UNC5B: variants seen among roughly 807,000 people sequenced by gnomAD.
The protein encoded by UNC5B is unc-5 netrin receptor B.
Under a neutral mutation model 103.7 loss-of-function variants are expected in UNC5B, and 56 were observed. The ratio of observed to expected loss-of-function variants is 0.54; its 90% CI spans 0.44 to 0.67. The LOEUF is 0.67. Ranked by LOEUF, UNC5B falls within the 30% of genes least tolerant of loss-of-function variation. The pLI, the probability that UNC5B is intolerant of heterozygous loss-of-function variation, is 0.00. For synonymous variants in UNC5B, 577 were observed against 542.0 expected, an observed-to-expected ratio of 1.06 and a Z score of -0.90; for missense variants, 1,194 against 1,284.5, an observed-to-expected ratio of 0.93 and a Z score of 1.08.
At position 71,290,936 on chromosome 10, in the gene UNC5B, C is replaced by T. The variant is rs766271403; in HGVS notation, c.1121C>T (p.Ala374Val). The T allele has an allele frequency of 6.3e-5, 102 of 1,612,738 alleles. No individual in the cohort carries two copies. In the Middle Eastern group the frequency reaches 6.6e-4, roughly 10 times the overall value. ...NSHLLEASGDAALYAGLVVAI... is the reference protein window; with the variant it reads ...NSHLLEASGDVALYAGLVVAI... The stretch of plus-strand genomic sequence containing the variant: ...GCAGTGCTGGAGGCCTCAGGGGATG[C>T]GGCGCTGTATGCGGGGCTCGTGGTG... Residue 374 changes from alanine to valine, a missense_variant, in exon 9 of 17, where the codon GCG becomes GTG. Transcript: ENST00000335350.
chr10:71,297,837 C>A, intron 15 of UNC5B, 72 bp from the exon 16 acceptor site: 1 of 1,502,260 alleles, frequency 6.7e-7, no homozygotes, highest in Admixed American at 1.9e-5. Context: ...AGCTCACAGT[C>A]CAAGGGGAGG....
At chr10:71,231,539 G>A (rs758277703) in intron 1 of UNC5B, among the ~76,000 whole-genome samples, 7 of 152,200 alleles carry the variant, frequency 4.6e-5, no homozygotes, top group African/African-American at 7.2e-5. Context: ...GGCTGTGTAC[G>A]CTCAGCAATG....
At chr10:71,292,364 C>T (rs1229714941) in intron 10 of UNC5B, 103 bp from the exon 11 acceptor site, 1 of 1,005,942 alleles carries the variant, frequency 9.9e-7, no homozygotes. Flanking sequence ...CTACCTGGAG[C>T]TCAGGAGATA....
At chr10:71,294,467 C>T (rs568897265) in intron 13 of UNC5B, among the ~76,000 whole-genome samples, 43 of 152,164 alleles carry the variant, frequency 2.8e-4, no homozygotes, top group African/African-American at 9.9e-4. Flanking sequence ...GACACCTGTT[C>T]ACAGGTGCTC....
At chr10:71,255,848 G>A (rs1004379661) in intron 1 of UNC5B, among the ~76,000 whole-genome samples, 1 of 152,186 alleles carries the variant, frequency 6.6e-6, no homozygotes, top group African/African-American at 2.4e-5. Flanking sequence ...GGCTGTCTCT[G>A]TCCAACAACA....
chr10:71,252,522 G>A (rs1844196941), intron 1 of UNC5B, among the ~76,000 whole-genome samples: 1 of 152,218 alleles, frequency 6.6e-6, no homozygotes, highest in Admixed American at 6.5e-5. Flanking sequence ...AGAAACCTGG[G>A]CTTGGAGAGA....
Position 71,232,324 on chromosome 10 carries a change from C to T in UNC5B, c.79+19260C>T, listed in dbSNP as rs192136738. The stretch of plus-strand genomic sequence containing the variant: ...TTCATTTACCAGAAGTTCACACCAC[C>T]GCGTATGTGTTATATGAGAAGTAGC... On this transcript the variant is annotated intron_variant, in intron 1 of 16. Coordinates refer to ENST00000335350, the MANE Select transcript of UNC5B (RefSeq NM_170744.5). 1.8e-3 allele frequency among the ~76,000 whole-genome samples: 279 copies of T among 152,336 alleles called. 3 individuals carry two copies. In the South Asian group the frequency reaches 0.02, roughly 11 times the overall value.
At chr10:71,294,081 G>A (rs976614024) in intron 13 of UNC5B, 148 bp downstream of exon 13, 15 of 732,400 alleles carry the variant, frequency 2.0e-5, no homozygotes. Flanking sequence ...CTCACACACT[G>A]AAACAGCCTT....
At position 71,293,587 on chromosome 10, in the gene UNC5B, G is replaced by A; in HGVS notation, c.1941+14G>A. 2.5e-6 allele frequency: 4 copies of A among 1,613,568 alleles called. No homozygotes were observed. Among genetic ancestry groups the A allele is most frequent in the African/African-American group, 1.3e-5 (1 of 75,068 alleles). On this transcript the variant is annotated intron_variant, in intron 12 of 16. Transcript: ENST00000335350. ...GGCCACTGGGAGGTGAGGAGCCACG[G>A]TGAAGGCTGGCCCAGCTCTCCCAAC...
chr10:71,271,169 G>C (rs1380183510), intron 1 of UNC5B, among the ~76,000 whole-genome samples: 3 of 152,246 alleles, frequency 2.0e-5, no homozygotes, highest in African/African-American at 7.2e-5. Flanking sequence ...GGGAGCTCCT[G>C]AGAGGACAGA....
At chr10:71,252,674 T>G (rs1233594953) in intron 1 of UNC5B, among the ~76,000 whole-genome samples, 1 of 152,140 alleles carries the variant, frequency 6.6e-6, no homozygotes, top group East Asian at 1.9e-4. Context: ...CCCATCTTAT[T>G]GTGAAGGAAA....
At chr10:71,270,621 C>T (rs963446287) in intron 1 of UNC5B, among the ~76,000 whole-genome samples, 3 of 152,004 alleles carry the variant, frequency 2.0e-5, no homozygotes, top group African/African-American at 7.3e-5. Flanking sequence ...GAGACTGCAG[C>T]GGGTGGTGGG....
chr10:71,252,400 G>A (rs1385367548), intron 1 of UNC5B, among the ~76,000 whole-genome samples: 1 of 152,154 alleles, frequency 6.6e-6, no homozygotes, highest in South Asian at 2.1e-4. Flanking sequence ...TAGCAGCCAC[G>A]CCCTCCACCT....
intron 1 of UNC5B, among the ~76,000 whole-genome samples, chr10:71,230,171 C>G (rs1396158080): frequency 6.6e-6 from 1 of 152,078 alleles, no homozygotes; most frequent in African/African-American, 2.4e-5. Context: ...TCAAGGACAC[C>G]CTGTCTTACC....
At chr10:71,224,811 A>G (rs1416178041) in intron 1 of UNC5B, among the ~76,000 whole-genome samples, 3 of 152,184 alleles carry the variant, frequency 2.0e-5, no homozygotes, top group Non-Finnish European at 4.4e-5. Context: ...GGATTGCTGG[A>G]TCCCAAATCC....
intron 1 of UNC5B, among the ~76,000 whole-genome samples, chr10:71,214,599 G>T (rs1370719371): frequency 1.3e-5 from 2 of 152,088 alleles, no homozygotes; most frequent in African/African-American, 4.8e-5. Flanking sequence ...GAAGGGTAGG[G>T]TGAAGTCTCT....
Position 71,301,921 on chromosome 10 carries a change from C to T in UNC5B, c.*2644C>T, listed in dbSNP as rs1430616439. 6.6e-6 allele frequency: 1 copy of T among 152,246 alleles called. No individual in the cohort carries two copies. The allele number at this position is 152,246 out of a possible 1,614,324, so 9.4% of individuals were successfully genotyped here. ...ACCCCACCCTCAGAAGCTGCTTGCT[C>T]TGCCCCCAGGACAGGAGCTTGACGG... On this transcript the variant is annotated 3_prime_UTR_variant, in exon 17 of 17. Transcript: ENST00000335350.
intron 1 of UNC5B, among the ~76,000 whole-genome samples, chr10:71,254,763 T>C (rs2000088): frequency 0.76 from 116,042 of 152,130 alleles, 45,036 homozygotes; most frequent in Non-Finnish European, 0.85. Context: ...GTGCACGTGG[T>C]GAGCCTCCAC....
At chr10:71,275,078 C>A (rs927212714) in intron 1 of UNC5B, among the ~76,000 whole-genome samples, 1 of 152,202 alleles carries the variant, frequency 6.6e-6, no homozygotes, top group African/African-American at 2.4e-5. Flanking sequence ...GGATGCAAAC[C>A]CAGGGCCTCT....
Sources: allele counts gnomAD v4.1 joint callset (sites outside exome capture counted in the v4.1 genomes callset), GRCh38; gene constraint gnomAD v4.1.1; transcripts MANE v1.5; gene names NCBI Gene and HGNC (gene_info 2026-07-23, HGNC 2026-07-21).